Variants in EPS15L1 observed in about 807,000 individuals in gnomAD.
EPS15L1 encodes the protein epidermal growth factor receptor substrate 15-like 1.
A neutral mutation model predicts 117.1 loss-of-function variants in EPS15L1; 43 were observed. The ratio of observed to expected loss-of-function variants is 0.37; its 90% CI spans 0.29 to 0.47. The LOEUF (loss-of-function observed/expected upper bound fraction) is 0.47. EPS15L1 is among the 20% of genes least tolerant of loss of function. The pLI is 0.99. For synonymous variants in EPS15L1, 459 were observed against 470.5 expected, an observed-to-expected ratio of 0.98 and a Z score of 0.32; for missense variants, 981 against 1,164.0, an observed-to-expected ratio of 0.84 and a Z score of 2.29.
intron 1 of EPS15L1, among the ~76,000 whole-genome samples, chr19:16,458,921 A>G (rs919897630): frequency 2.0e-5 from 3 of 152,144 alleles, no homozygotes; most frequent in African/African-American, 7.2e-5. Flanking sequence ...GGTTAATTTC[A>G]TCGTCGTGAG....
chr19:16,393,720 T>C (rs933454696), intron 18 of EPS15L1, among the ~76,000 whole-genome samples: 3 of 151,728 alleles, frequency 2.0e-5, no homozygotes, highest in Admixed American at 1.3e-4. Flanking sequence ...GCAAGCAATG[T>C]GATCCCACCA....
At chr19:16,361,566 G>C (rs2092051604) in intron 23 of EPS15L1, 3 of 1,312,890 alleles carry the variant, frequency 2.3e-6, no homozygotes, top group South Asian at 4.2e-5. Context: ...CCTTATGATA[G>C]AGCATCCAAA....
chr19:16,447,798 T>A (rs1405266277), intron 1 of EPS15L1, among the ~76,000 whole-genome samples: 1 of 150,672 alleles, frequency 6.6e-6, no homozygotes, highest in Admixed American at 6.6e-5. Context: ...AAAACAATTC[T>A]GAAAAAGAAT....
chr19:16,380,918 C>G (rs142338399), intron 21 of EPS15L1, among the ~76,000 whole-genome samples: 352 of 152,350 alleles, frequency 2.3e-3, no homozygotes, highest in South Asian at 3.9e-3. Context: ...ATATGGCTGC[C>G]TCGGACCTTG....
chr19:16,452,183 C>A lies in EPS15L1; in HGVS notation c.34-9964G>T, dbSNP rs967401719. ...ACAGGAGGCTGGGTGCAGTGGCTCACGCCTGTCATCCCAGCACTTTGGGAG... is the reference window on the plus strand; with the variant it reads ...ACAGGAGGCTGGGTGCAGTGGCTCAAGCCTGTCATCCCAGCACTTTGGGAG... On this transcript the variant is annotated intron_variant, in intron 1 of 23. Transcript: ENST00000455140. 8.7e-5 allele frequency among the ~76,000 whole-genome samples: 13 copies of A among 150,078 alleles called. 1 individual carries two copies. The highest frequency in any genetic ancestry group is 2.5e-4 in the African/African-American group (10 of 40,744).
chr19:16,359,861 C>A (rs2092028554), intron 23 of EPS15L1, among the ~76,000 whole-genome samples: 1 of 151,110 alleles, frequency 6.6e-6, no homozygotes, highest in Admixed American at 6.6e-5. Context: ...AGACTCATCT[C>A]CAAATATGTA....
intron 22 of EPS15L1, among the ~76,000 whole-genome samples, chr19:16,367,318 C>T (rs73931905): frequency 0.02 from 2,965 of 151,432 alleles, 106 homozygotes; most frequent in African/African-American, 0.069. Context: ...GACTGCCTAC[C>T]GCAGGGAGAC....
At chr19:16,428,501 G>C (rs2078321774) in intron 8 of EPS15L1, among the ~76,000 whole-genome samples, 1 of 106,572 alleles carries the variant, frequency 9.4e-6, no homozygotes, top group African/African-American at 3.6e-5. Flanking sequence ...GGGAGGGAGG[G>C]AGAGAGAGAG....
intron 22 of EPS15L1, among the ~76,000 whole-genome samples, chr19:16,364,190 A>G (rs2092100259): frequency 1.3e-5 from 2 of 152,200 alleles, no homozygotes; most frequent in Admixed American, 1.3e-4. Flanking sequence ...CTGTGGCCTC[A>G]AATCAATTCA....
chr19:16,421,121 G>A (rs528810928), intron 10 of EPS15L1, among the ~76,000 whole-genome samples, 198 bp downstream of exon 10: 9 of 152,384 alleles, frequency 5.9e-5, no homozygotes, highest in Non-Finnish European at 1.2e-4. Context: ...TGAACTGACC[G>A]TCACGGAGCG....
rs141071663 is a variant in EPS15L1, at chr19:16,425,203, G to A, written c.672C>T (p.Pro224=). 2.0e-4 allele frequency: 316 copies of A among 1,613,148 alleles called. 1 individual carries two copies. The highest frequency in any genetic ancestry group is 2.5e-4 in the Non-Finnish European group (297 of 1,179,476). ...TTGGTGGGGGGCTGGCAGGCAGGAC[G>A]GGGACGGCGCCAGGGAACACAGTCT... is the stretch of plus-strand genomic sequence containing the variant. ...RKKTVFPGAV[P]VLPASPPPKD... is the part of the protein sequence containing the mutation. The change falls in exon 9 of 24, where the codon CCC becomes CCT. Residue 224 remains proline (P), a synonymous_variant. Transcript: ENST00000455140.
intron 23 of EPS15L1, 21 bp downstream of exon 23, chr19:16,361,758 G>C (rs375185884): frequency 5.6e-6 from 9 of 1,605,300 alleles, no homozygotes; most frequent in Non-Finnish European, 7.7e-6. Flanking sequence ...GGGTGGCCCG[G>C]AGGCGGAGGA....
At chr19:16,441,653 T>TA in intron 3 of EPS15L1, 2 of 259,644 alleles carry the variant, frequency 7.7e-6, no homozygotes, top group Non-Finnish European at 1.4e-5. Context: ...AAAAAAAAAG[T>TA]CCACAAGCTA....
intron 1 of EPS15L1, among the ~76,000 whole-genome samples, chr19:16,456,457 G>A (rs1213968890): frequency 2.0e-5 from 3 of 152,034 alleles, no homozygotes; most frequent in East Asian, 3.9e-4. Context: ...AGGAGTTCGA[G>A]ACCAGCCTGG....
At chr19:16,360,952 G>A (rs1250356864) in intron 23 of EPS15L1, among the ~76,000 whole-genome samples, 3 of 152,110 alleles carry the variant, frequency 2.0e-5, no homozygotes, top group Non-Finnish European at 2.9e-5. Context: ...GGAAGAAAGC[G>A]AGGGCATCAC....
chr19:16,471,894 A>C lies in EPS15L1; in HGVS notation c.33+19T>G. On this transcript the variant is annotated intron_variant, in intron 1 of 23. Transcript: ENST00000455140. This position sits in a 1 kb window ranked among gnomAD's most constrained non-coding sequence, Gnocchi z 4.8. The stretch of plus-strand genomic sequence containing the variant: ...CGCCCCGCACCCCGGCGCCGCCCCC[A>C]GGCCCGCCCGGCCCGTACCTGCTGG... The C allele has an allele frequency of 7.7e-7, 1 of 1,293,894 alleles. No homozygotes were observed. Among genetic ancestry groups the C allele is most frequent in the Non-Finnish European group, 9.8e-7 (1 of 1,018,310 alleles). The allele number at this position is 1,293,894 out of a possible 1,614,324, so 80.2% of individuals were successfully genotyped here.
At chr19:16,402,616 A>C in intron 15 of EPS15L1, 131 bp from the exon 16 acceptor site, 156 of 837,274 alleles carry the variant, frequency 1.9e-4, no homozygotes, top group Non-Finnish European at 2.5e-4. Context: ...ATCATAGCTC[A>C]CTGTAGCCTT....
chr19:16,385,258 C>T (rs2092408024), intron 20 of EPS15L1, 47 bp from the exon 21 acceptor site: 1 of 1,518,400 alleles, frequency 6.6e-7, no homozygotes, highest in Non-Finnish European at 9.1e-7. Flanking sequence ...TTTAAGAGAA[C>T]ATGCCTTCTG....
At chr19:16,418,587 G>A (rs2092783320) in intron 10 of EPS15L1, among the ~76,000 whole-genome samples, 1 of 152,180 alleles carries the variant, frequency 6.6e-6, no homozygotes, top group African/African-American at 2.4e-5. Context: ...TCATCATGAT[G>A]AAGAAAGAAT....
Sources: gnomAD v4.1 joint callset for allele counts (sites outside exome capture counted in the v4.1 genomes callset) on GRCh38, gnomAD v4.1.1 for gene constraint, Gnocchi (gnomAD v3.1) non-coding constraint, MANE v1.5 for transcripts, NCBI Gene and HGNC (gene_info 2026-07-23, HGNC 2026-07-21) for gene names.